BICC1: variants seen among roughly 807,000 people sequenced by gnomAD.
BICC1 encodes the protein BicC family RNA binding protein 1.
A neutral mutation model predicts 111.0 loss-of-function variants in BICC1; 43 were observed. The observed-to-expected ratio is 0.39, with a 90% CI of 0.30 to 0.50. BICC1 has a LOEUF of 0.50. BICC1 is among the 20% of genes least tolerant of loss of function. The pLI is 0.88. For synonymous variants in BICC1, 467 were observed against 434.4 expected, an observed-to-expected ratio of 1.07 and a Z score of -0.93; for missense variants, 1,091 against 1,203.2, an observed-to-expected ratio of 0.91 and a Z score of 1.38.
chr10:58,550,880 G>A lies in BICC1; in HGVS notation c.190+37547G>A, dbSNP rs1184818452. 2.0e-5 allele frequency among the ~76,000 whole-genome samples: 3 copies of A among 152,006 alleles called. No homozygotes were observed. The East Asian group carries it at 5.8e-4, about 29-fold the overall frequency. On this transcript the variant is annotated intron_variant, in intron 1 of 20. Transcript: ENST00000373886. ...ATTTTTATTTGGGGTTTGAGAAAGA[G>A]GTTCTCATTCAATTTTATGACAGTG...
intron 1 of BICC1, among the ~76,000 whole-genome samples, chr10:58,569,626 G>T (rs1431857066): frequency 6.6e-6 from 1 of 152,142 alleles, no homozygotes; most frequent in Non-Finnish European, 1.5e-5. Context: ...CCACTTACGA[G>T]TGAGAACACG....
rs139126001 is a variant in BICC1, at chr10:58,602,328, C to T, written c.191-18527C>T. ...CCAATGTGTTTGCATCATAAATGTA[C>T]GCACATATTTTTTGAAAGGAAATCG... is the stretch of plus-strand genomic sequence containing the variant. On this transcript the variant is annotated intron_variant, in intron 1 of 20. Coordinates refer to ENST00000373886, the MANE Select transcript of BICC1 (RefSeq NM_001080512.3). Among the ~76,000 whole-genome samples the T allele has an allele frequency of 1.2e-3, 185 of 152,138 alleles. 1 individual carries two copies. Among genetic ancestry groups the T allele is most frequent in the African/African-American group, 3.8e-3 (159 of 41,496 alleles).
intron 1 of BICC1, among the ~76,000 whole-genome samples, chr10:58,569,948 A>G (rs1843894812): frequency 6.6e-6 from 1 of 152,152 alleles, no homozygotes; most frequent in Admixed American, 6.6e-5. Flanking sequence ...CTGGTTCTAG[A>G]TCCTTGAGGA....
chr10:58,770,710 C>G (rs1842600986), intron 3 of BICC1, among the ~76,000 whole-genome samples: 1 of 152,048 alleles, frequency 6.6e-6, no homozygotes, highest in Admixed American at 6.6e-5. Flanking sequence ...GGGAGGAATA[C>G]AAGGCTGAAC....
chr10:58,691,505 T>C (rs1038127902), intron 2 of BICC1, among the ~76,000 whole-genome samples: 4 of 152,166 alleles, frequency 2.6e-5, no homozygotes, highest in African/African-American at 9.7e-5. Context: ...ACGAAAATTG[T>C]CTTTGGTTTG....
At chr10:58,637,664 G>A (rs1837991353) in intron 2 of BICC1, among the ~76,000 whole-genome samples, 2 of 152,310 alleles carry the variant, frequency 1.3e-5, no homozygotes, top group South Asian at 4.1e-4. Flanking sequence ...TATGAATAGT[G>A]GGAGCCTTTC....
At position 58,793,597 on chromosome 10, in the gene BICC1, G is replaced by T. The variant is rs1204374126; in HGVS notation, c.1161G>T (p.Lys387Asn). The stretch of plus-strand genomic sequence containing the variant: ...ATGTCTTCATCAGTATTAAACCAAA[G>T]CCCAAACAGCCAAGCAAGGTTGGTT... Reference protein sequence around the residue: ...QLDVFISIKPKPKQPSKSVIV... With the variant: ...QLDVFISIKPNPKQPSKSVIV... The change falls in exon 9 of 21, where the codon AAG becomes AAT. Residue 387 changes from lysine to asparagine, a missense_variant. Lys to Asn is a moderately conservative substitution (Grantham distance 94). Around this residue, in one of 3 missense-constraint regions of BICC1, gnomAD observed 843 missense variants for 900.8 expected, o/e 0.94. Transcript: ENST00000373886. 1 of 1,613,676 alleles carries T rather than the reference G, an allele frequency of 6.2e-7. No individual in the cohort carries two copies. Among genetic ancestry groups the T allele is most frequent in the African/African-American group, 1.3e-5 (1 of 74,998 alleles).
chr10:58,800,067 T>A (rs1843490567), intron 12 of BICC1, 127 bp from the exon 13 acceptor site: 1 of 638,518 alleles, frequency 1.6e-6, no homozygotes, highest in African/African-American at 1.8e-5. Flanking sequence ...ATATTTCATC[T>A]CCTTAGTTAG....
intron 1 of BICC1, among the ~76,000 whole-genome samples, chr10:58,580,178 C>G (rs181427836): frequency 6.6e-6 from 1 of 152,218 alleles, no homozygotes; most frequent in Non-Finnish European, 1.5e-5. Flanking sequence ...CACCCACCAT[C>G]ACACCCGGCT....
chr10:58,675,596 A>G (rs947966158), intron 2 of BICC1, among the ~76,000 whole-genome samples: 137 of 152,284 alleles, frequency 9.0e-4, no homozygotes, highest in African/African-American at 3.0e-3. Context: ...GGGTAGAACC[A>G]TGGCTGCCAG....
At chr10:58,636,322 G>A (rs1183298565) in intron 2 of BICC1, among the ~76,000 whole-genome samples, 1 of 152,162 alleles carries the variant, frequency 6.6e-6, no homozygotes. Flanking sequence ...TAAAAAATCT[G>A]TGCTCTTTCA....
At chr10:58,604,316 A>G (rs1053228771) in intron 1 of BICC1, among the ~76,000 whole-genome samples, 2 of 152,212 alleles carry the variant, frequency 1.3e-5, no homozygotes, top group Admixed American at 6.5e-5. Context: ...AGACTACTCA[A>G]ATTTAACCAT....
intron 1 of BICC1, among the ~76,000 whole-genome samples, chr10:58,514,446 A>G (rs1445919680): frequency 6.6e-6 from 1 of 152,224 alleles, no homozygotes; most frequent in East Asian, 1.9e-4. Context: ...GCATCGCAGT[A>G]TGGGAATGAT....
intron 1 of BICC1, among the ~76,000 whole-genome samples, chr10:58,610,981 A>G (rs934175818): frequency 6.6e-6 from 1 of 152,208 alleles, no homozygotes; most frequent in Non-Finnish European, 1.5e-5. Flanking sequence ...GTTAAAGCCT[A>G]AGATCTATAC....
At position 58,513,010 on chromosome 10, in the gene BICC1, G is replaced by T. The variant is rs1033867517; in HGVS notation, c.-134G>T. On this transcript the variant is annotated 5_prime_UTR_variant, in exon 1 of 21. Coordinates refer to ENST00000373886, the MANE Select transcript of BICC1 (RefSeq NM_001080512.3). ...GCTCAGTGGCGGCGGCGGCGTTGGC[G>T]GTGGCGTCGGCGGCTGCAGGGGGAC... is the stretch of plus-strand genomic sequence containing the variant. 11 of 537,852 alleles carry T rather than the reference G, an allele frequency of 2.0e-5. No individual in the cohort carries two copies. The highest frequency in any genetic ancestry group is 2.8e-5 in the Non-Finnish European group (11 of 389,378). The allele number at this position is 537,852 out of a possible 1,614,324, so 33.3% of individuals were successfully genotyped here.
intron 2 of BICC1, among the ~76,000 whole-genome samples, chr10:58,667,900 G>A (rs1381552750): frequency 2.0e-5 from 3 of 152,036 alleles, no homozygotes; most frequent in Non-Finnish European, 4.4e-5. Context: ...GAGCATGCCT[G>A]CTTAATCAGG....
At chr10:58,515,997 A>G (rs1426305265) in intron 1 of BICC1, among the ~76,000 whole-genome samples, 2 of 152,238 alleles carry the variant, frequency 1.3e-5, no homozygotes, top group African/African-American at 4.8e-5. Flanking sequence ...GAAGTAAAAT[A>G]GAAACTAAAG....
intron 3 of BICC1, among the ~76,000 whole-genome samples, chr10:58,761,550 T>C (rs985967085): frequency 6.6e-6 from 1 of 152,186 alleles, no homozygotes; most frequent in Non-Finnish European, 1.5e-5. Context: ...TAAAATCACT[T>C]AGAAAAATGT....
chr10:58,570,944 G>T (rs1318517736), intron 1 of BICC1, among the ~76,000 whole-genome samples: 1 of 152,090 alleles, frequency 6.6e-6, no homozygotes, highest in Non-Finnish European at 1.5e-5. Flanking sequence ...ATCTTGTTTT[G>T]CTCTTTTTGG....
Sources: gnomAD v4.1 joint callset for allele counts (sites outside exome capture counted in the v4.1 genomes callset) on GRCh38, gnomAD v4.1.1 for gene constraint, gnomAD v4.1.1 regional missense constraint, MANE v1.5 for transcripts, NCBI Gene and HGNC (gene_info 2026-07-23, HGNC 2026-07-21) for gene names.